NKAIN2: variants seen among roughly 807,000 people sequenced by gnomAD.
The protein encoded by NKAIN2 is sodium/potassium transporting ATPase interacting 2, also known as sodium/potassium-transporting ATPase subunit beta-1-interacting protein 2.
A neutral mutation model predicts 32.6 loss-of-function variants in NKAIN2; 14 were observed. That is an observed-to-expected ratio of 0.43 (90% confidence interval 0.28 to 0.67). The LOEUF is 0.67. NKAIN2 is among the 30% of genes least tolerant of loss of function. NKAIN2 has a pLI of 0.17. For synonymous variants in NKAIN2, 80 were observed against 87.2 expected, an observed-to-expected ratio of 0.92 and a Z score of 0.46; for missense variants, 198 against 258.3, an observed-to-expected ratio of 0.77 and a Z score of 1.60.
chr6:124,251,538 A>T (rs571816560), intron 1 of NKAIN2, among the ~76,000 whole-genome samples: 10 of 152,166 alleles, frequency 6.6e-5, no homozygotes, highest in Admixed American at 4.6e-4. Flanking sequence ...GGACTAAAGA[A>T]GTAAGCAGAC....
At chr6:124,628,841 A>C (rs1418990110) in intron 3 of NKAIN2, among the ~76,000 whole-genome samples, 3 of 152,154 alleles carry the variant, frequency 2.0e-5, no homozygotes. Context: ...AAGGAATAGC[A>C]ATATAAAATA....
At chr6:124,611,208 T>C (rs1023508957) in intron 3 of NKAIN2, among the ~76,000 whole-genome samples, 2 of 152,172 alleles carry the variant, frequency 1.3e-5, no homozygotes, top group Non-Finnish European at 2.9e-5. Flanking sequence ...TCTTCTTTAG[T>C]GATGTTAAAG....
intron 5 of NKAIN2, among the ~76,000 whole-genome samples, chr6:124,816,286 A>G (rs1002626863): frequency 6.6e-6 from 1 of 152,166 alleles, no homozygotes; most frequent in African/African-American, 2.4e-5. Context: ...TGGGGGAGGA[A>G]AGGATGATTA....
chr6:124,206,931 T>A (rs570218581), intron 1 of NKAIN2, among the ~76,000 whole-genome samples: 4 of 151,642 alleles, frequency 2.6e-5, no homozygotes, highest in Non-Finnish European at 4.4e-5. Flanking sequence ...ACATCTCATA[T>A]CTCCTCTCTC....
At chr6:124,801,885 C>A (rs1490194132) in intron 5 of NKAIN2, among the ~76,000 whole-genome samples, 1 of 152,176 alleles carries the variant, frequency 6.6e-6, no homozygotes, top group Admixed American at 6.6e-5. Context: ...AAAGGTACTA[C>A]TTTTCGGATC....
At chr6:124,393,354 T>C (rs993152861) in intron 3 of NKAIN2, among the ~76,000 whole-genome samples, 1 of 151,896 alleles carries the variant, frequency 6.6e-6, no homozygotes, top group Non-Finnish European at 1.5e-5. Flanking sequence ...TTTTTTTTTT[T>C]GGAAATTTCT....
chr6:124,370,815 A>G (rs1240026057), intron 3 of NKAIN2, among the ~76,000 whole-genome samples: 3 of 151,988 alleles, frequency 2.0e-5, no homozygotes, highest in Non-Finnish European at 2.9e-5. Flanking sequence ...TTCTGAAGAG[A>G]TCTGTAGCTA....
intron 3 of NKAIN2, among the ~76,000 whole-genome samples, chr6:124,542,438 C>A (rs536510905): frequency 6.6e-6 from 1 of 152,014 alleles, no homozygotes; most frequent in African/African-American, 2.4e-5. Context: ...TAAACAGATT[C>A]GAATAGGTGT....
intron 1 of NKAIN2, among the ~76,000 whole-genome samples, chr6:124,240,309 C>T (rs563788410): frequency 1.3e-5 from 2 of 152,222 alleles, no homozygotes; most frequent in African/African-American, 4.8e-5. Context: ...CAAATTCTAC[C>T]AGAGGTACAA....
intron 5 of NKAIN2, among the ~76,000 whole-genome samples, chr6:124,813,416 T>C (rs1781005430): frequency 6.6e-6 from 1 of 152,132 alleles, no homozygotes; most frequent in Admixed American, 6.5e-5. Flanking sequence ...AGGAGGAATC[T>C]ACAACCAATA....
intron 4 of NKAIN2, among the ~76,000 whole-genome samples, chr6:124,664,900 A>ATCT (rs1384324339): frequency 6.7e-6 from 1 of 150,116 alleles, no homozygotes; most frequent in Non-Finnish European, 1.5e-5. Flanking sequence ...AAAATGTTTG[A>ATCT]TCTTTAAACA....
At position 123,940,555 on chromosome 6, in the gene NKAIN2, G is replaced by A. The variant is rs1029851343; in HGVS notation, c.54+136301G>A. On this transcript the variant is annotated intron_variant, in intron 1 of 6. Transcript: ENST00000368417. ...ATAGCATTTTGCTCCCAGGCTACAA[G>A]CCTGTATAGCATGTTACTATATTGT... Among the ~76,000 whole-genome samples the A allele has an allele frequency of 5.3e-5, 8 of 152,036 alleles. No individual in the cohort carries two copies. The East Asian group carries it at 1.2e-3, about 22-fold the overall frequency.
chr6:123,977,454 G>T (rs1313159473), intron 1 of NKAIN2, among the ~76,000 whole-genome samples: 1 of 152,126 alleles, frequency 6.6e-6, no homozygotes, highest in Non-Finnish European at 1.5e-5. Context: ...GGCTTATGAG[G>T]AAGGTTTGAT....
At chr6:124,120,052 T>C (rs1324390535) in intron 1 of NKAIN2, among the ~76,000 whole-genome samples, 1 of 152,178 alleles carries the variant, frequency 6.6e-6, no homozygotes, top group Admixed American at 6.6e-5. Flanking sequence ...TAAGCTTAGG[T>C]ATGCTTAAGG....
At chr6:124,256,365 A>G (rs902697135) in intron 1 of NKAIN2, among the ~76,000 whole-genome samples, 47 of 152,212 alleles carry the variant, frequency 3.1e-4, no homozygotes, top group Admixed American at 1.1e-3. Flanking sequence ...TTATTAAAGA[A>G]TGAAAGGTAC....
At chr6:124,186,407 A>G (rs1452228785) in intron 1 of NKAIN2, among the ~76,000 whole-genome samples, 1 of 151,988 alleles carries the variant, frequency 6.6e-6, no homozygotes, top group African/African-American at 2.4e-5. Flanking sequence ...ATGTAACTGC[A>G]CTCCAGCCTG....
intron 1 of NKAIN2, among the ~76,000 whole-genome samples, chr6:123,991,794 G>A (rs373126408): frequency 2.0e-5 from 3 of 152,004 alleles, no homozygotes; most frequent in East Asian, 1.9e-4. Context: ...CCCAGGAGGC[G>A]GAGCTTGCAG....
At chr6:124,483,833 A>G (rs920219443) in intron 3 of NKAIN2, among the ~76,000 whole-genome samples, 19 of 152,112 alleles carry the variant, frequency 1.2e-4, no homozygotes, top group Admixed American at 1.0e-3. Context: ...ATATAAATTG[A>G]CTAAAATTTG....
At chr6:124,066,300 AT>A (rs1311634845) in intron 1 of NKAIN2, among the ~76,000 whole-genome samples, 1 of 152,140 alleles carries the variant, frequency 6.6e-6, no homozygotes, top group East Asian at 1.9e-4. Flanking sequence ...TTACATTCAT[AT>A]TTCTGTTTCC....
Sources: allele counts gnomAD v4.1 joint callset (sites outside exome capture counted in the v4.1 genomes callset), GRCh38; gene constraint gnomAD v4.1.1; transcripts MANE v1.5; gene names NCBI Gene and HGNC (gene_info 2026-07-23, HGNC 2026-07-21).